NELL1: variants seen among roughly 807,000 people sequenced by gnomAD.
NELL1 encodes the protein protein kinase C-binding protein NELL1.
In NELL1, 76 loss-of-function variants were observed where a neutral mutation model predicts 107.4. The ratio of observed to expected loss-of-function variants is 0.71; its 90% CI spans 0.59 to 0.86. The LOEUF (loss-of-function observed/expected upper bound fraction) is 0.86. Among genes scored for constraint, NELL1 ranks in the 40% least tolerant of loss-of-function variants. NELL1 has a pLI of 0.00. For missense variants in NELL1, 1,024 were observed against 1,005.5 expected (o/e 1.02, Z -0.25); for synonymous variants, 353 against 341.2 (o/e 1.03, Z -0.38).
At chr11:21,257,791 G>A (rs1858806951) in intron 14 of NELL1, among the ~76,000 whole-genome samples, 1 of 151,976 alleles carries the variant, frequency 6.6e-6, no homozygotes, top group Admixed American at 6.6e-5. Context: ...CTGAATGAGA[G>A]CTGTTGCTCA....
chr11:21,103,566 T>A (rs930582586), intron 12 of NELL1, among the ~76,000 whole-genome samples: 1 of 152,210 alleles, frequency 6.6e-6, no homozygotes, highest in Non-Finnish European at 1.5e-5. Flanking sequence ...CTTAAAACTA[T>A]GCTTGGCATA....
intron 15 of NELL1, among the ~76,000 whole-genome samples, chr11:21,397,667 A>G (rs1215763904): frequency 1.3e-5 from 2 of 151,704 alleles, no homozygotes; most frequent in African/African-American, 4.8e-5. Context: ...ATCATTTAAA[A>G]TTATACCTTG....
chr11:20,750,562 AATTATTATTATT>A (rs113562957), intron 2 of NELL1, among the ~76,000 whole-genome samples: 7 of 149,602 alleles, frequency 4.7e-5, no homozygotes, highest in East Asian at 2.0e-4. Context: ...TGTACCTCGG[AATTATTATTATT>A]ATTATTATTA....
intron 11 of NELL1, among the ~76,000 whole-genome samples, chr11:20,956,679 G>T (rs577448560): frequency 7.3e-5 from 11 of 151,404 alleles, no homozygotes; most frequent in African/African-American, 2.7e-4. Flanking sequence ...AATCTCATCC[G>T]TTCGCCATAT....
At chr11:21,390,283 T>C (rs1410387195) in intron 15 of NELL1, among the ~76,000 whole-genome samples, 1 of 151,460 alleles carries the variant, frequency 6.6e-6, no homozygotes, top group Non-Finnish European at 1.5e-5. Context: ...AAAAGTCAAA[T>C]AGTTCTATAA....
intron 15 of NELL1, among the ~76,000 whole-genome samples, chr11:21,479,696 T>C (rs952384576): frequency 6.6e-6 from 1 of 152,218 alleles, no homozygotes; most frequent in Non-Finnish European, 1.5e-5. Context: ...TTTGGATTGT[T>C]AGTTACATAA....
At chr11:20,833,241 T>A (rs1358918876) in intron 3 of NELL1, among the ~76,000 whole-genome samples, 2 of 152,212 alleles carry the variant, frequency 1.3e-5, no homozygotes, top group African/African-American at 4.8e-5. Context: ...ATATTGTATA[T>A]AAAGTAATAA....
At chr11:21,318,762 G>A (rs1267114300) in intron 14 of NELL1, among the ~76,000 whole-genome samples, 1 of 151,830 alleles carries the variant, frequency 6.6e-6, no homozygotes, top group Non-Finnish European at 1.5e-5. Context: ...TTCCTAATAA[G>A]ACATTTTTTC....
chr11:20,954,623 TTGAGTGAA>T (rs1851134212), intron 11 of NELL1, among the ~76,000 whole-genome samples: 1 of 152,198 alleles, frequency 6.6e-6, no homozygotes, highest in South Asian at 2.1e-4. Flanking sequence ...CCCATAAATA[TTGAGTGAA>T]TGACTATTCA....
intron 12 of NELL1, among the ~76,000 whole-genome samples, chr11:21,038,419 G>A (rs1054191946): frequency 2.0e-5 from 3 of 152,112 alleles, no homozygotes; most frequent in Admixed American, 6.6e-5. Flanking sequence ...TAAATTAGAT[G>A]CTAACACAAG....
chr11:20,769,300 C>A (rs1328666535), intron 2 of NELL1: 1 of 152,130 alleles, frequency 6.6e-6, no homozygotes, highest in African/African-American at 2.4e-5. Flanking sequence ...CTAGACAGCC[C>A]CGGAGGTAGG....
intron 14 of NELL1, among the ~76,000 whole-genome samples, chr11:21,337,837 T>TTGCTTTC (rs1555006224): frequency 0.034 from 2,929 of 86,612 alleles, 128 homozygotes; most frequent in African/African-American, 0.051. Flanking sequence ...TCTTTCTTTC[T>TTGCTTTC]TTTCTTTCTT....
At chr11:21,334,430 C>G (rs1029360644) in intron 14 of NELL1, among the ~76,000 whole-genome samples, 1 of 151,838 alleles carries the variant, frequency 6.6e-6, no homozygotes, top group Admixed American at 6.6e-5. Context: ...AGGCCACAGG[C>G]TACAGTTTGT....
chr11:20,729,279 C>G (rs940684212), intron 2 of NELL1, among the ~76,000 whole-genome samples: 3 of 151,926 alleles, frequency 2.0e-5, no homozygotes, highest in Admixed American at 6.6e-5. Flanking sequence ...CTTTTTTGAC[C>G]TATTTAGATG....
intron 15 of NELL1, among the ~76,000 whole-genome samples, chr11:21,377,399 C>A (rs1314763481): frequency 6.6e-6 from 1 of 152,046 alleles, no homozygotes; most frequent in South Asian, 2.1e-4. Flanking sequence ...TGAAGCTTAT[C>A]TCATCATGGT....
intron 15 of NELL1, among the ~76,000 whole-genome samples, chr11:21,518,832 T>A (rs1452698939): frequency 6.6e-6 from 1 of 152,248 alleles, no homozygotes; most frequent in Non-Finnish European, 1.5e-5. Flanking sequence ...CAGACTTGTT[T>A]CCTTTAGCTG....
At chr11:21,118,901 G>A (rs541068860) in intron 13 of NELL1, among the ~76,000 whole-genome samples, 3 of 152,162 alleles carry the variant, frequency 2.0e-5, no homozygotes, top group Admixed American at 2.0e-4. Flanking sequence ...TAAAGTTAAA[G>A]AAGATATATC....
At chr11:21,361,098 AT>A (rs1246491253) in intron 14 of NELL1, among the ~76,000 whole-genome samples, 2 of 151,842 alleles carry the variant, frequency 1.3e-5, no homozygotes, top group East Asian at 1.9e-4. Flanking sequence ...TTTTTTGTAT[AT>A]TTTGAAGTTT....
intron 13 of NELL1, among the ~76,000 whole-genome samples, chr11:21,135,845 T>C (rs910362343): frequency 6.6e-6 from 1 of 152,204 alleles, no homozygotes; most frequent in African/African-American, 2.4e-5. Flanking sequence ...ATATTAAAAA[T>C]ATTCTTTTGA....
Sources: allele counts gnomAD v4.1 joint callset (sites outside exome capture counted in the v4.1 genomes callset), GRCh38; gene constraint gnomAD v4.1.1; transcripts MANE v1.5; gene names NCBI Gene and HGNC (gene_info 2026-07-23, HGNC 2026-07-21).